Variants in CACNA1C observed in about 807,000 individuals in gnomAD.
CACNA1C encodes calcium voltage-gated channel subunit alpha1 C, also known as voltage-dependent L-type calcium channel subunit alpha-1C.
Under a neutral mutation model 229.0 loss-of-function variants are expected in CACNA1C, and 30 were observed. That is an observed-to-expected ratio of 0.13 (90% CI 0.10 to 0.18). CACNA1C has a LOEUF of 0.18. CACNA1C is among the 10% of genes least tolerant of loss of function. CACNA1C has a pLI of 1.00. For missense variants in CACNA1C, 1,658 were observed against 2,845.0 expected, an observed-to-expected ratio of 0.58 and a Z score of 9.49; for synonymous variants, 1,114 against 1,132.5, an observed-to-expected ratio of 0.98 and a Z score of 0.33.
intron 30 of CACNA1C, among the ~76,000 whole-genome samples, chr12:2,642,781 T>G (rs1344316966): frequency 6.6e-6 from 1 of 152,220 alleles, no homozygotes; most frequent in African/African-American, 2.4e-5. Flanking sequence ...GGCTTTTTGT[T>G]GGTGGAGGTT....
chr12:2,517,808 A>C (rs2099800400), intron 9 of CACNA1C, among the ~76,000 whole-genome samples: 1 of 152,338 alleles, frequency 6.6e-6, no homozygotes, highest in Admixed American at 6.5e-5. Flanking sequence ...AAGGTCAGAC[A>C]CTACAGGGAG....
chr12:2,504,348 C>T lies in CACNA1C; in HGVS notation c.1114-494C>T, dbSNP rs531322807. On this transcript the variant is annotated intron_variant, in intron 7 of 46. Coordinates refer to ENST00000399655, the MANE Select transcript of CACNA1C (RefSeq NM_000719.7). This position sits in a 1 kb window ranked among gnomAD's most constrained non-coding sequence, Gnocchi z 6.8. ...AAGCCCACGTTCAGCCCCGTCTGTCCCCTCCCAATCTGCTCACACCTGCTG... is the reference window on the plus strand; with the variant it reads ...AAGCCCACGTTCAGCCCCGTCTGTCTCCTCCCAATCTGCTCACACCTGCTG... 28 of 754,016 alleles carry T rather than the reference C, an allele frequency of 3.7e-5. No homozygotes were observed. The highest frequency in any genetic ancestry group is 3.3e-4 in the South Asian group (22 of 66,244). The allele number at this position is 754,016 out of a possible 1,614,324, so 46.7% of individuals were successfully genotyped here.
intron 30 of CACNA1C, among the ~76,000 whole-genome samples, chr12:2,643,855 C>G (rs547871519): frequency 6.6e-6 from 1 of 152,180 alleles, no homozygotes; most frequent in Non-Finnish European, 1.5e-5. Context: ...AGATCACCTC[C>G]GAGGTCTCTC....
At chr12:2,004,141 C>A in intron 1 of CACNA1C, 2 of 1,236,992 alleles carry the variant, frequency 1.6e-6, no homozygotes, top group African/African-American at 1.5e-5. Context: ...ATCTCCACAA[C>A]TTCGGCCTCA....
At chr12:2,412,268 C>T (rs963331527) in intron 3 of CACNA1C, among the ~76,000 whole-genome samples, 3 of 152,198 alleles carry the variant, frequency 2.0e-5, no homozygotes, top group Non-Finnish European at 2.9e-5. Flanking sequence ...CAGCACACAC[C>T]GGAGAGGCCT....
intron 38 of CACNA1C, 148 bp from the exon 39 acceptor site, chr12:2,674,393 C>T: frequency 8.6e-7 from 1 of 1,157,732 alleles, no homozygotes; most frequent in East Asian, 2.8e-5. Flanking sequence ...AATGGGAAGA[C>T]TGGGGAGAAG....
intron 3 of CACNA1C, among the ~76,000 whole-genome samples, chr12:2,295,061 G>A (rs2093910484): frequency 6.6e-6 from 1 of 152,166 alleles, no homozygotes; most frequent in South Asian, 2.1e-4. Flanking sequence ...GAGTGTGGGA[G>A]TCTTTCTGCC....
intron 13 of CACNA1C, among the ~76,000 whole-genome samples, chr12:2,574,895 T>A (rs181343370): frequency 9.8e-5 from 15 of 152,324 alleles, no homozygotes; most frequent in African/African-American, 3.6e-4. Flanking sequence ...GTGGTTCTCC[T>A]TTGGTATGGG....
At chr12:2,159,557 A>T (rs2095733387) in intron 3 of CACNA1C, among the ~76,000 whole-genome samples, 1 of 151,976 alleles carries the variant, frequency 6.6e-6, no homozygotes, top group Non-Finnish European at 1.5e-5. Context: ...TAGAAAAATG[A>T]ATAGCTGATT....
intron 3 of CACNA1C, among the ~76,000 whole-genome samples, chr12:2,146,614 G>A (rs952335557): frequency 6.6e-6 from 1 of 151,104 alleles, no homozygotes; most frequent in African/African-American, 2.4e-5. Flanking sequence ...GGATTTAGAC[G>A]AAAGCAGAGC....
At chr12:2,094,111 TG>T (rs2072715254) in intron 1 of CACNA1C, among the ~76,000 whole-genome samples, 1 of 152,062 alleles carries the variant, frequency 6.6e-6, no homozygotes, top group African/African-American at 2.4e-5. Context: ...ATTTCACAGG[TG>T]GGAAAGGCAA....
intron 1 of CACNA1C, among the ~76,000 whole-genome samples, chr12:2,033,465 C>G (rs187171705): frequency 8.5e-5 from 13 of 152,306 alleles, no homozygotes; most frequent in African/African-American, 2.9e-4. Flanking sequence ...CCGACTGTCC[C>G]TTCTTTCCTG....
At chr12:2,249,992 T>C (rs541392507) in intron 3 of CACNA1C, among the ~76,000 whole-genome samples, 41 of 152,274 alleles carry the variant, frequency 2.7e-4, no homozygotes, top group Middle Eastern at 3.4e-3. Context: ...GTATTTTCAG[T>C]GGAGACGGGG....
chr12:2,446,870 G>C (rs2099298517), intron 3 of CACNA1C, among the ~76,000 whole-genome samples: 1 of 152,168 alleles, frequency 6.6e-6, no homozygotes, highest in African/African-American at 2.4e-5. Context: ...GTGGGTGGGT[G>C]GATGGATGGA....
At chr12:2,536,513 AC>A (rs1391608644) in intron 9 of CACNA1C, among the ~76,000 whole-genome samples, 19 of 152,234 alleles carry the variant, frequency 1.2e-4, no homozygotes, top group African/African-American at 4.6e-4. Context: ...CCCTCTCTGG[AC>A]CTTAACATTC....
At chr12:2,515,469 G>T (rs1329338999) in intron 9 of CACNA1C, among the ~76,000 whole-genome samples, 1 of 152,206 alleles carries the variant, frequency 6.6e-6, no homozygotes, top group Non-Finnish European at 1.5e-5. Flanking sequence ...AAGCATGTGT[G>T]TTTCAATTAC....
rs1458178417 is a variant in CACNA1C, at chr12:2,410,583, C to T, written c.478-38393C>T. 6.6e-6 allele frequency among the ~76,000 whole-genome samples: 1 copy of T among 150,692 alleles called. No individual in the cohort carries two copies. The highest frequency in any genetic ancestry group is 2.5e-5 in the African/African-American group (1 of 40,722). ...GACCCTGTGCATGTGCGTGTGCATGCGTGTGTGTGTTCCAGGAGCTGACTC... is the reference window on the plus strand; with the variant it reads ...GACCCTGTGCATGTGCGTGTGCATGTGTGTGTGTGTTCCAGGAGCTGACTC... On this transcript the variant is annotated intron_variant, in intron 3 of 46. Transcript: ENST00000399655. This position sits in a 1 kb window ranked among gnomAD's most constrained non-coding sequence, Gnocchi z 5.3.
At chr12:2,154,975 C>T (rs905507056) in intron 3 of CACNA1C, among the ~76,000 whole-genome samples, 6 of 152,160 alleles carry the variant, frequency 3.9e-5, no homozygotes, top group Admixed American at 1.3e-4. Flanking sequence ...CCCATCCTGC[C>T]GTCCTAGAGT....
intron 10 of CACNA1C, among the ~76,000 whole-genome samples, chr12:2,553,381 C>A (rs2042381232): frequency 6.6e-6 from 1 of 152,190 alleles, no homozygotes; most frequent in Non-Finnish European, 1.5e-5. Context: ...AATACAGAAT[C>A]AGAAACAGGC....
Sources: gnomAD v4.1 joint callset for allele counts (sites outside exome capture counted in the v4.1 genomes callset) on GRCh38, gnomAD v4.1.1 for gene constraint, Gnocchi (gnomAD v3.1) non-coding constraint, MANE v1.5 for transcripts, NCBI Gene and HGNC (gene_info 2026-07-23, HGNC 2026-07-21) for gene names.